The following ZNF236 variants were observed in gnomAD, a reference collection of about 807,000 sequenced individuals.
ZNF236 encodes the protein zinc finger protein 236.
A neutral mutation model predicts 191.2 loss-of-function variants in ZNF236; 50 were observed. The observed-to-expected ratio is 0.26, with a 90% confidence interval of 0.21 to 0.33. The LOEUF (loss-of-function observed/expected upper bound fraction) is 0.33, where lower values mean the gene tolerates loss of function less well. ZNF236 is among the 10% of genes least tolerant of loss of function. The pLI is 1.00. For missense variants in ZNF236, 1,754 were observed against 2,374.5 expected (o/e 0.74, Z 5.43); for synonymous variants, 907 against 928.8 (o/e 0.98, Z 0.43).
At chr18:76,964,294 T>C (rs1232613294) in intron 30 of ZNF236, among the ~76,000 whole-genome samples, 1 of 152,238 alleles carries the variant, frequency 6.6e-6, no homozygotes, top group Non-Finnish European at 1.5e-5. Flanking sequence ...ATTTTTTAAT[T>C]TCTATCTTGA....
chr18:76,900,821 T>C (rs906858081), intron 11 of ZNF236, among the ~76,000 whole-genome samples: 1 of 152,196 alleles, frequency 6.6e-6, no homozygotes, highest in Non-Finnish European at 1.5e-5. Flanking sequence ...CCCAACCTTT[T>C]TGTCATCAGG....
At chr18:76,936,762 A>G (rs1332233678) in intron 25 of ZNF236, among the ~76,000 whole-genome samples, 1 of 150,114 alleles carries the variant, frequency 6.7e-6, no homozygotes, top group Admixed American at 6.7e-5. Flanking sequence ...GGAAGTAGCT[A>G]TTCCTCAGTG....
At chr18:76,877,930 T>G (rs919786358) in intron 6 of ZNF236, 79 bp from the exon 7 acceptor site, 34 of 1,166,526 alleles carry the variant, frequency 2.9e-5, no homozygotes, top group Non-Finnish European at 4.0e-5. Flanking sequence ...GAATGGTAAA[T>G]TATGATTTGC....
chr18:76,958,624 A>G (rs940878246), intron 28 of ZNF236, among the ~76,000 whole-genome samples: 3 of 152,030 alleles, frequency 2.0e-5, no homozygotes, highest in Non-Finnish European at 4.4e-5. Context: ...TCCAACACAG[A>G]CCGGGTGGGA....
intron 18 of ZNF236, 38 bp from the exon 19 acceptor site, chr18:76,915,609 A>G: frequency 6.2e-7 from 1 of 1,601,740 alleles, no homozygotes; most frequent in Non-Finnish European, 8.5e-7. Context: ...GTGAAATAGG[A>G]TTGGTTCCAG....
intron 30 of ZNF236, among the ~76,000 whole-genome samples, chr18:76,965,752 C>G (rs1365167541): frequency 6.6e-6 from 1 of 152,260 alleles, no homozygotes; most frequent in African/African-American, 2.4e-5. Flanking sequence ...CATGGTCTCT[C>G]AGCCATGGGT....
chr18:76,873,316 A>G (rs1341161357), intron 5 of ZNF236, among the ~76,000 whole-genome samples: 2 of 152,240 alleles, frequency 1.3e-5, no homozygotes, highest in African/African-American at 4.8e-5. Context: ...CATCATGAGC[A>G]TACTCTCACT....
At chr18:76,889,333 TGCCATACATGCTTGGTTAC>T (rs1461538612) in intron 9 of ZNF236, among the ~76,000 whole-genome samples, 1 of 152,216 alleles carries the variant, frequency 6.6e-6, no homozygotes, top group East Asian at 1.9e-4. Context: ...TCTGATGCTC[TGCCATACATGCTTGGTTAC>T]GCCATACATG....
At chr18:76,868,964 G>A in intron 4 of ZNF236, 101 bp downstream of exon 4, 13 of 1,169,686 alleles carry the variant, frequency 1.1e-5, no homozygotes, top group Non-Finnish European at 1.5e-5. Flanking sequence ...CAAGAACCCA[G>A]CAAAGTGGAA....
intron 3 of ZNF236, among the ~76,000 whole-genome samples, chr18:76,861,905 C>T (rs1976242947): frequency 6.6e-6 from 1 of 152,170 alleles, no homozygotes; most frequent in African/African-American, 2.4e-5. Flanking sequence ...GCTCTTGTCG[C>T]CCGGGCTGGA....
chr18:76,954,586 T>G (rs1968479323), intron 27 of ZNF236, among the ~76,000 whole-genome samples: 1 of 152,194 alleles, frequency 6.6e-6, no homozygotes, highest in Admixed American at 6.5e-5. Context: ...CTCACAGATA[T>G]TCACATGTAG....
intron 17 of ZNF236, among the ~76,000 whole-genome samples, chr18:76,912,692 C>T (rs185837989): frequency 1.3e-5 from 2 of 152,342 alleles, no homozygotes; most frequent in African/African-American, 4.8e-5. Flanking sequence ...CAAGACTCTT[C>T]ATGTGCTTTA....
intron 3 of ZNF236, among the ~76,000 whole-genome samples, chr18:76,857,669 G>A (rs1020969673): frequency 1.3e-5 from 2 of 152,160 alleles, no homozygotes; most frequent in African/African-American, 4.8e-5. Context: ...CTGCACCCTT[G>A]CCCGCCCACT....
chr18:76,836,458 C>T (rs1262330024), intron 1 of ZNF236, among the ~76,000 whole-genome samples: 1 of 152,034 alleles, frequency 6.6e-6, no homozygotes. Flanking sequence ...TCAAATTATC[C>T]TCCTGCCTTA....
In ZNF236 at chr18:76,927,394, G is replaced by C. The variant is rs767218310; in HGVS notation, c.4291G>C (p.Val1431Leu). The C allele has an allele frequency of 9.3e-6, 15 of 1,614,050 alleles. No homozygotes were observed. Among genetic ancestry groups the C allele is most frequent in the Non-Finnish European group, 1.3e-5 (15 of 1,180,042 alleles). Residue 1431 changes from valine (V) to leucine (L), a missense_variant, in exon 24 of 31, where the codon GTC (valine) becomes CTC (leucine). Transcript: ENST00000320610. The surrounding 1 kb of genome is among the most constrained non-coding windows in gnomAD (Gnocchi z 5.4). ...NSSLQTSDST[V>L]PASVVIQPIS... is the part of the protein sequence containing the mutation. ...CTCTCTCCAGACATCGGACAGCACG[G>C]TCCCTGCCAGTGTTGTCATCCAGCC...
chr18:76,830,614 C>T (rs897331820), intron 1 of ZNF236, among the ~76,000 whole-genome samples: 29 of 152,028 alleles, frequency 1.9e-4, no homozygotes, highest in African/African-American at 6.8e-4. Flanking sequence ...AATACGCTAA[C>T]ACTAATGATA....
At position 76,972,187 on chromosome 18, in the gene ZNF236, C is replaced by A. The variant is rs987500285; in HGVS notation, c.*3848C>A. 6.6e-6 allele frequency among the ~76,000 whole-genome samples: 1 copy of A among 152,240 alleles called. No individual in the cohort carries two copies. Among genetic ancestry groups the A allele is most frequent in the African/African-American group, 2.4e-5 (1 of 41,460 alleles). On this transcript the variant is annotated 3_prime_UTR_variant, in exon 31 of 31. Transcript: ENST00000320610. ...CTGTACTTGGGGCCTCTACACCTTT[C>A]CCATATTCTAATGAAAAGATCGTAC...
chr18:76,830,116 ACCTCG>A (rs1975125698), intron 1 of ZNF236, among the ~76,000 whole-genome samples: 1 of 151,560 alleles, frequency 6.6e-6, no homozygotes, highest in South Asian at 2.1e-4. Context: ...TGATCCACCC[ACCTCG>A]GCCTCCCAAA....
rs184404327 is a variant in ZNF236, at chr18:76,913,813, C to T, written c.2976C>T (p.Thr992=). 3.4e-3 allele frequency: 5,554 copies of T among 1,614,186 alleles called. 10 individuals carry two copies. Among genetic ancestry groups the T allele is most frequent in the Non-Finnish European group, 4.5e-3 (5,280 of 1,180,022 alleles). The change falls in exon 18 of 31, where the codon ACC becomes ACT. Residue 992 remains threonine (T), a synonymous_variant. Coordinates refer to ENST00000320610, the MANE Select transcript of ZNF236 (RefSeq NM_001306089.2). ...SHLKQHVRSH[T]GEKPYKCKLC... ...TGAAGCAGCATGTGCGGTCGCACAC[C>T]GGGGAAAAGCCCTACAAGTGCAAGC...
Sources: allele counts gnomAD v4.1 joint callset (sites outside exome capture counted in the v4.1 genomes callset), GRCh38; gene constraint gnomAD v4.1.1; non-coding constraint Gnocchi (gnomAD v3.1); transcripts MANE v1.5; gene names NCBI Gene and HGNC (gene_info 2026-07-23, HGNC 2026-07-21).